Variants in ADAMTS8 observed in about 807,000 individuals in gnomAD.
ADAMTS8 encodes A disintegrin and metalloproteinase with thrombospondin motifs 8.
Under a neutral mutation model 64.4 loss-of-function variants are expected in ADAMTS8, and 50 were observed. That is an observed-to-expected ratio of 0.78 (90% CI 0.62 to 0.98). The LOEUF is 0.98. Ranked by LOEUF, ADAMTS8 falls within the 50% of genes least tolerant of loss-of-function variation. The pLI is 0.00. For missense variants in ADAMTS8, 1,192 were observed against 1,208.2 expected (o/e 0.99, Z 0.20); for synonymous variants, 556 against 533.6 (o/e 1.04, Z -0.58).
At chr11:130,422,315 C>T (rs1169940236) in intron 1 of ADAMTS8, among the ~76,000 whole-genome samples, 1 of 152,052 alleles carries the variant, frequency 6.6e-6, no homozygotes, top group Non-Finnish European at 1.5e-5. Context: ...GTTGGGTGGG[C>T]CAGAGCCCCT....
At chr11:130,427,369 AG>A (rs2134695110) in intron 1 of ADAMTS8, among the ~76,000 whole-genome samples, 197 bp downstream of exon 1, 1 of 151,610 alleles carries the variant, frequency 6.6e-6, no homozygotes, top group East Asian at 2.0e-4. Flanking sequence ...GGGTGGCAGA[AG>A]TTCAGAAAAG....
Position 130,416,112 on chromosome 11 carries a change from C to G in ADAMTS8, c.1264+51G>C. Reference sequence around the variant, plus strand: ...CTGGAGGGGGTCTCTGCGCCAGCACCAGTGGAAGGAGGCCCACGGGGACAA... The same window carrying G: ...CTGGAGGGGGTCTCTGCGCCAGCACGAGTGGAAGGAGGCCCACGGGGACAA... On this transcript the variant is annotated intron_variant, in intron 4 of 8. Transcript: ENST00000257359. This position sits in a 1 kb window ranked among gnomAD's most constrained non-coding sequence, Gnocchi z 4.8. 6.6e-7 allele frequency: 1 copy of G among 1,504,454 alleles called. No individual in the cohort carries two copies. The highest frequency in any genetic ancestry group is 8.9e-7 in the Non-Finnish European group (1 of 1,123,950). 93.2% of individuals were successfully genotyped at this position (1,504,454 alleles called of 1,614,324 possible).
At position 130,417,039 on chromosome 11, in the gene ADAMTS8, C is replaced by T; in HGVS notation, c.997G>A (p.Gly333Ser). The stretch of plus-strand genomic sequence containing the variant: ...CAAATGGTCCCGATGTCTGCCACAC[C>T]CAGGGTGTCACACAGCCCCTCCTGC... ...CGQEGLCDTL[G>S]VADIGTICDP... Residue 333 changes from glycine (G) to serine (S), a missense_variant, in exon 3 of 9, where the codon GGT becomes AGT. Physicochemically the swap from Gly to Ser is moderately conservative, Grantham distance 56. Coordinates refer to ENST00000257359, the MANE Select transcript of ADAMTS8 (RefSeq NM_007037.6). 1.2e-6 allele frequency: 2 copies of T among 1,613,940 alleles called. No homozygotes were observed. Among genetic ancestry groups the T allele is most frequent in the Non-Finnish European group, 1.7e-6 (2 of 1,180,012 alleles).
At chr11:130,421,826 C>G (rs897615391) in intron 1 of ADAMTS8, among the ~76,000 whole-genome samples, 1 of 152,146 alleles carries the variant, frequency 6.6e-6, no homozygotes, top group Non-Finnish European at 1.5e-5. Flanking sequence ...ATCAGGCCTG[C>G]GGCTGGTCAA....
rs543836416 is a variant in ADAMTS8, at chr11:130,409,461, AT to A, written c.1751-522del. On this transcript the variant is annotated intron_variant, in intron 6 of 8. Transcript: ENST00000257359. Reference sequence around the variant, plus strand: ...GTACTGTGATTACCTCCAACTCAGCATGGCCAAGCTCCCGATGGTCCTTCCA... The same window carrying A: ...GTACTGTGATTACCTCCAACTCAGCAGGCCAAGCTCCCGATGGTCCTTCCA... Among the ~76,000 whole-genome samples, 9 of 152,216 alleles carry A rather than the reference AT, an allele frequency of 5.9e-5. No individual in the cohort carries two copies. In the East Asian group the frequency reaches 1.7e-3, roughly 29 times the overall value.
At chr11:130,406,157 G>A (rs972410795) in intron 8 of ADAMTS8, 29 bp from the exon 9 acceptor site, 2 of 1,581,772 alleles carry the variant, frequency 1.3e-6, no homozygotes, top group Admixed American at 1.7e-5. Context: ...GACACCCTTA[G>A]ACCAGTGGCT....
At position 130,427,833 on chromosome 11, in the gene ADAMTS8, G is replaced by T. The variant is rs1342186392; in HGVS notation, c.454C>A (p.Arg152Ser). ...GSLAQPHRLQRWGPAGARPLP... is the reference protein window; with the variant it reads ...GSLAQPHRLQSWGPAGARPLP... ...GGGCGGGCTCCGGCGGGACCCCAGC[G>T]CTGCAGGCGGTGCGGCTGAGCCAGG... The change falls in exon 1 of 9, where the codon CGC becomes AGC. Residue 152 changes from arginine to serine, a missense_variant. Coordinates refer to ENST00000257359, the MANE Select transcript of ADAMTS8 (RefSeq NM_007037.6). The T allele has an allele frequency of 3.2e-6, 5 of 1,547,900 alleles. No individual in the cohort carries two copies. The highest frequency in any genetic ancestry group is 3.5e-6 in the Non-Finnish European group (4 of 1,149,884).
At chr11:130,427,408 G>A (rs1192801051) in intron 1 of ADAMTS8, among the ~76,000 whole-genome samples, 159 bp downstream of exon 1, 1 of 149,040 alleles carries the variant, frequency 6.7e-6, no homozygotes, top group Non-Finnish European at 1.5e-5. Flanking sequence ...AGACAGGAGA[G>A]AATCTCGTTT....
rs760087275 is a variant in ADAMTS8 at position 130,419,143 on chromosome 11, C to A, written c.870G>T (p.Leu290=). 1 of 1,614,206 alleles carries A rather than the reference C, an allele frequency of 6.2e-7. No homozygotes were observed. The highest frequency in any genetic ancestry group is 1.1e-5 in the South Asian group (1 of 91,078). The change falls in exon 2 of 9, where the codon CTG becomes CTT. Residue 290 remains leucine (L), a synonymous_variant. Coordinates refer to ENST00000257359, the MANE Select transcript of ADAMTS8 (RefSeq NM_007037.6). ...PEVSDNGGLT[L]RNFCNWQRRF... is the part of the protein sequence containing the mutation. ...GCCGCTGCCAGTTGCAGAAGTTACG[C>A]AGTGTAAGCCCCCCATTGTCGGACA...
Position 130,416,957 on chromosome 11 carries a change from G to A in ADAMTS8, c.1079C>T (p.Thr360Ile), listed in dbSNP as rs1007201907. Reference sequence around the variant, plus strand: ...AATCTTACCTAGTTCATGGGCCAGGGTGTGGGCCGCCTGGAGCCCCTCATC... The same window carrying A: ...AATCTTACCTAGTTCATGGGCCAGGATGTGGGCCGCCTGGAGCCCCTCATC... ...IEDEGLQAAH[T>I]LAHELGHVLS... Residue 360 changes from threonine to isoleucine, a missense_variant, in exon 3 of 9, where the codon ACC becomes ATC. Coordinates refer to ENST00000257359, the MANE Select transcript of ADAMTS8 (RefSeq NM_007037.6). The surrounding 1 kb of genome is among the most constrained non-coding windows in gnomAD (Gnocchi z 4.8). 8 of 1,614,030 alleles carry A rather than the reference G, an allele frequency of 5.0e-6. No individual in the cohort carries two copies. In the South Asian group the frequency reaches 7.7e-5, roughly 16 times the overall value.
In ADAMTS8 at chr11:130,405,801, A is replaced by C; in HGVS notation, c.2427T>G (p.Pro809=). 1 of 1,614,094 alleles carries C rather than the reference A, an allele frequency of 6.2e-7. No homozygotes were observed. Among genetic ancestry groups the C allele is most frequent in the Non-Finnish European group, 8.5e-7 (1 of 1,180,050 alleles). ...PPKVKYTFFV[P]NDVDFSMQSS... Reference sequence around the variant, plus strand: ...TCTGCATGCTAAAGTCCACGTCATTAGGAACAAAGAAGGTGTATTTGACTT... The same window carrying C: ...TCTGCATGCTAAAGTCCACGTCATTCGGAACAAAGAAGGTGTATTTGACTT... The change falls in exon 9 of 9, where the codon CCT becomes CCG. Residue 809 remains proline, a synonymous_variant. Transcript: ENST00000257359.
chr11:130,419,752 C>T (rs2134687224), intron 1 of ADAMTS8, among the ~76,000 whole-genome samples: 1 of 152,340 alleles, frequency 6.6e-6, no homozygotes, highest in African/African-American at 2.4e-5. Context: ...CTGACACCGT[C>T]TCCTTGCCAA....
At chr11:130,407,594 G>A (rs1475228555) in intron 8 of ADAMTS8, among the ~76,000 whole-genome samples, 1 of 152,086 alleles carries the variant, frequency 6.6e-6, no homozygotes, top group African/African-American at 2.4e-5. Flanking sequence ...GGAAGTGGCT[G>A]GACAGGTGGA....
chr11:130,417,080 G>A lies in ADAMTS8; in HGVS notation c.961-5C>T, dbSNP rs779297584. 12 of 1,613,744 alleles carry A rather than the reference G, an allele frequency of 7.4e-6. No homozygotes were observed. The highest frequency in any genetic ancestry group is 3.3e-5 in the Admixed American group (2 of 60,014). Reference sequence around the variant, plus strand: ...CCCCTCCTGCCCACAGAAGTTCTGCGTGGCGGGGAGAGAGCAAGAGAGTGC... The same window carrying A: ...CCCCTCCTGCCCACAGAAGTTCTGCATGGCGGGGAGAGAGCAAGAGAGTGC... On this transcript the variant is annotated splice_polypyrimidine_tract_variant and splice_region_variant and intron_variant, in intron 2 of 8. Transcript: ENST00000257359.
chr11:130,428,134 G>A lies in ADAMTS8; in HGVS notation c.153C>T (p.Gly51=). The change falls in exon 1 of 9, where the codon GGC becomes GGT. Residue 51 remains glycine (G), a synonymous_variant. Coordinates refer to ENST00000257359, the MANE Select transcript of ADAMTS8 (RefSeq NM_007037.6). The part of the protein sequence containing the change: ...VVPTRLPGSA[G]ELALHLSAFG... ...AGGCGGACAGGTGGAGCGCGAGCTC[G>A]CCCGCGCTGCCGGGCAACCGCGTGG... is the stretch of plus-strand genomic sequence containing the variant. 3 of 1,495,894 alleles carry A rather than the reference G, an allele frequency of 2.0e-6. No individual in the cohort carries two copies. The highest frequency in any genetic ancestry group is 2.7e-6 in the Non-Finnish European group (3 of 1,131,708). The allele number at this position is 1,495,894 out of a possible 1,614,324, so 92.7% of individuals were successfully genotyped here. A position where few individuals can be genotyped will look rare whatever the true frequency, so the allele number is the denominator to read the frequency against.
At position 130,416,080 on chromosome 11, in the gene ADAMTS8, G is replaced by A. The variant is rs1339845487; in HGVS notation, c.1264+83C>T. ...CTCAGCTCTAAGGGCCCTGTGAGGA[G>A]GCACAGCTGGAGGGGGTCTCTGCGC... On this transcript the variant is annotated intron_variant, in intron 4 of 8. Coordinates refer to ENST00000257359, the MANE Select transcript of ADAMTS8 (RefSeq NM_007037.6). The surrounding 1 kb of genome is among the most constrained non-coding windows in gnomAD (Gnocchi z 4.8). 5.6e-6 allele frequency: 8 copies of A among 1,435,748 alleles called. No homozygotes were observed. The highest frequency in any genetic ancestry group is 7.4e-6 in the Non-Finnish European group (8 of 1,083,996). 88.9% of individuals were successfully genotyped at this position (1,435,748 alleles called of 1,614,324 possible). A position where few individuals can be genotyped will look rare whatever the true frequency, so the allele number is the denominator to read the frequency against.
At position 130,416,424 on chromosome 11, in the gene ADAMTS8, C is replaced by A; in HGVS notation, c.1097-94G>T. On this transcript the variant is annotated intron_variant, in intron 3 of 8. Transcript: ENST00000257359. The surrounding 1 kb of genome is among the most constrained non-coding windows in gnomAD (Gnocchi z 4.8). The stretch of plus-strand genomic sequence containing the variant: ...ACAGAGATGGAGCTCCTCAGGGGAG[C>A]AGCCACCCCCTCACTCTCCGAAGAT... The A allele has an allele frequency of 7.5e-7, 1 of 1,338,474 alleles. No homozygotes were observed. The highest frequency in any genetic ancestry group is 9.9e-7 in the Non-Finnish European group (1 of 1,007,510). The allele number at this position is 1,338,474 out of a possible 1,614,324, so 82.9% of individuals were successfully genotyped here. A position where few individuals can be genotyped will look rare whatever the true frequency, so the allele number is the denominator to read the frequency against.
At chr11:130,425,391 T>A (rs559881631) in intron 1 of ADAMTS8, among the ~76,000 whole-genome samples, 1 of 152,134 alleles carries the variant, frequency 6.6e-6, no homozygotes, top group African/African-American at 2.4e-5. Context: ...AGCGTCCAGG[T>A]GATCAGCTGA....
Position 130,408,650 on chromosome 11 carries a change from G to C in ADAMTS8, c.1924-11C>G. On this transcript the variant is annotated splice_polypyrimidine_tract_variant and intron_variant, in intron 7 of 8. Coordinates refer to ENST00000257359, the MANE Select transcript of ADAMTS8 (RefSeq NM_007037.6). ...GGTGCCATCAATCACCTGCAACGGG[G>C]AAAGGGAAGGTGAGGGAGGGCGTGT... 1 of 1,613,796 alleles carries C rather than the reference G, an allele frequency of 6.2e-7. No homozygotes were observed. The highest frequency in any genetic ancestry group is 8.5e-7 in the Non-Finnish European group (1 of 1,179,744).
Sources: allele counts gnomAD v4.1 joint callset (sites outside exome capture counted in the v4.1 genomes callset), GRCh38; gene constraint gnomAD v4.1.1; non-coding constraint Gnocchi (gnomAD v3.1); transcripts MANE v1.5; gene names NCBI Gene and HGNC (gene_info 2026-07-23, HGNC 2026-07-21).